Variants in UNC13B observed in about 807,000 individuals in gnomAD.
The protein encoded by UNC13B is protein unc-13 homolog B.
A neutral mutation model predicts 211.0 loss-of-function variants in UNC13B; 144 were observed. The observed-to-expected ratio is 0.68, with a 90% confidence interval of 0.60 to 0.78. UNC13B has a LOEUF of 0.78. Ranked by LOEUF, UNC13B falls within the 30% of genes least tolerant of loss-of-function variation. The pLI, the probability that UNC13B is intolerant of heterozygous loss-of-function variation, is 0.00. For missense variants in UNC13B, 1,777 were observed against 2,002.0 expected (o/e 0.89, Z 2.14); for synonymous variants, 709 against 725.8 (o/e 0.98, Z 0.37).
Position 35,359,624 on chromosome 9 carries a change from G to C in UNC13B, c.9415-7323G>C, listed in dbSNP as rs1163699978. On this transcript the variant is annotated intron_variant, in intron 11 of 39. Transcript: ENST00000635942. ...CATGAGTGGCATCTTTATTCTTGCA[G>C]CTATTCAGGCCCAATCCATAGAGTC... Among the ~76,000 whole-genome samples the C allele has an allele frequency of 1.3e-5, 2 of 152,220 alleles. 1 individual carries two copies. The highest frequency in any genetic ancestry group is 3.9e-4 in the East Asian group (2 of 5,190).
intron 2 of UNC13B, among the ~76,000 whole-genome samples, chr9:35,229,554 G>T (rs1454753394): frequency 6.6e-6 from 1 of 152,068 alleles, no homozygotes; most frequent in Non-Finnish European, 1.5e-5. Context: ...AATCAGGTTT[G>T]TTTCAGCTTT....
chr9:35,297,642 C>G (rs987563664), intron 8 of UNC13B, among the ~76,000 whole-genome samples: 1 of 150,632 alleles, frequency 6.6e-6, no homozygotes, highest in African/African-American at 2.4e-5. Context: ...CTCCGCCTCC[C>G]GGGTTCACGC....
At chr9:35,250,141 G>A (rs1361047273) in intron 6 of UNC13B, among the ~76,000 whole-genome samples, 1 of 151,844 alleles carries the variant, frequency 6.6e-6, no homozygotes, top group Non-Finnish European at 1.5e-5. Context: ...TTCTTCCACT[G>A]TGCTGTTTAT....
chr9:35,392,399 A>C (rs1835588756), intron 26 of UNC13B, among the ~76,000 whole-genome samples: 1 of 152,124 alleles, frequency 6.6e-6, no homozygotes, highest in Non-Finnish European at 1.5e-5. Flanking sequence ...CTGGGATTAG[A>C]GAAGGGAAGT....
rs750898373 is a variant in UNC13B at position 35,305,423 on chromosome 9, A to G, written c.6019A>G (p.Met2007Val). The change falls in exon 9 of 40, where the codon ATG (methionine) becomes GTG (valine). Residue 2007 changes from methionine to valine, a missense_variant. Coordinates refer to ENST00000635942, the MANE Select transcript of UNC13B (RefSeq NM_001371189.2). The part of the protein sequence containing the change: ...QTTENTSVSS[M>V]TIKDEVRSSP... The stretch of plus-strand genomic sequence containing the variant: ...AACTGAAAATACGTCTGTTTCTTCA[A>G]TGACTATTAAGGATGAGGTCAGGTC... 1 of 398,990 alleles carries G rather than the reference A, an allele frequency of 2.5e-6. No individual in the cohort carries two copies. Among genetic ancestry groups the G allele is most frequent in the African/African-American group, 2.1e-5 (1 of 48,748 alleles). 24.7% of individuals were successfully genotyped at this position (398,990 alleles called of 1,614,324 possible).
intron 6 of UNC13B, among the ~76,000 whole-genome samples, chr9:35,248,874 G>T: frequency 6.6e-6 from 1 of 152,144 alleles, no homozygotes; most frequent in East Asian, 1.9e-4. Context: ...TATTAGATCT[G>T]CTTGGTGCAG....
intron 1 of UNC13B, among the ~76,000 whole-genome samples, chr9:35,204,719 C>G (rs533505706): frequency 1.3e-5 from 2 of 152,296 alleles, no homozygotes; most frequent in African/African-American, 4.8e-5. Context: ...TGCCTGTACC[C>G]CCATTATATC....
At chr9:35,192,865 C>T (rs1260906958) in intron 1 of UNC13B, among the ~76,000 whole-genome samples, 2 of 152,118 alleles carry the variant, frequency 1.3e-5, no homozygotes, top group Non-Finnish European at 2.9e-5. Flanking sequence ...AGAGAAGTGA[C>T]AAAAAGGCAT....
chr9:35,315,131 A>G (rs1190997377), intron 11 of UNC13B, among the ~76,000 whole-genome samples: 1 of 147,666 alleles, frequency 6.8e-6, no homozygotes, highest in African/African-American at 2.5e-5. Context: ...GCCTGAAGTG[A>G]TCCTCCCACT....
In UNC13B at chr9:35,303,181, A is replaced by C. The variant is rs368303606; in HGVS notation, c.3777A>C (p.Ile1259=). The C allele has an allele frequency of 6.1e-4, 244 of 398,694 alleles. 2 individuals are homozygous for C. The South Asian group carries it at 0.019, about 32-fold the overall frequency. The allele number at this position is 398,694 out of a possible 1,614,324, so 24.7% of individuals were successfully genotyped here. A position where few individuals can be genotyped will look rare whatever the true frequency, so the allele number is the denominator to read the frequency against. Residue 1259 remains isoleucine (I), a synonymous_variant, in exon 9 of 40, where the codon ATA becomes ATC. Transcript: ENST00000635942. ...IEASLLPKEN[I]PLSDAGDDNH... ...CCTCCTTATTACCTAAAGAAAACAT[A>C]CCATTATCTGATGCTGGGGATGATA...
At chr9:35,325,474 T>C (rs1488037112) in intron 11 of UNC13B, among the ~76,000 whole-genome samples, 1 of 152,238 alleles carries the variant, frequency 6.6e-6, no homozygotes, top group Non-Finnish European at 1.5e-5. Context: ...TACACTGCCG[T>C]TGTACTCTTG....
In UNC13B at chr9:35,403,756, GA is replaced by G. The variant is rs1564204761; in HGVS notation, c.12749del (p.Asn4250MetfsTer14). On this transcript the variant is annotated frameshift_variant, in exon 40 of 40. Transcript: ENST00000635942. LOFTEE classifies it high-confidence loss of function. ...CTATCTTGTGCTCACAGCCTCCTGG[GA>G]AATGAGGAGGGGCCCGAGTCCTATG... ...KYNETFHFLL[G>X]NEEGPESYEL... 6.2e-7 allele frequency: 1 copy of G among 1,614,112 alleles called. No homozygotes were observed. Among genetic ancestry groups the G allele is most frequent in the East Asian group, 2.2e-5 (1 of 44,888 alleles).
At chr9:35,345,679 T>C (rs1832309228) in intron 11 of UNC13B, among the ~76,000 whole-genome samples, 1 of 152,216 alleles carries the variant, frequency 6.6e-6, no homozygotes, top group Non-Finnish European at 1.5e-5. Flanking sequence ...GGTTAGATTC[T>C]GGGTGTGATT....
intron 11 of UNC13B, chr9:35,361,081 A>C: frequency 6.6e-6 from 1 of 152,200 alleles, no homozygotes; most frequent in East Asian, 1.9e-4. Flanking sequence ...AGGCTCAAAT[A>C]AGTTGAACGT....
intron 1 of UNC13B, among the ~76,000 whole-genome samples, chr9:35,191,924 C>A (rs528639468): frequency 1.4e-4 from 21 of 152,174 alleles, no homozygotes; most frequent in African/African-American, 5.1e-4. Context: ...GAAAGATACA[C>A]GAAGCACACC....
chr9:35,179,804 C>CA (rs1169671219), intron 1 of UNC13B, among the ~76,000 whole-genome samples: 3 of 151,586 alleles, frequency 2.0e-5, no homozygotes, highest in Non-Finnish European at 4.4e-5. Context: ...TCAAAAAAGA[C>CA]AAAAAAATAG....
intron 6 of UNC13B, among the ~76,000 whole-genome samples, chr9:35,255,232 G>A (rs995093582): frequency 1.2e-4 from 18 of 149,782 alleles, no homozygotes; most frequent in African/African-American, 3.2e-4. Flanking sequence ...GCCTGTTTAC[G>A]CATATATTTT....
intron 11 of UNC13B, among the ~76,000 whole-genome samples, chr9:35,357,815 A>C (rs1833131126): frequency 6.6e-6 from 1 of 152,218 alleles, no homozygotes; most frequent in Non-Finnish European, 1.5e-5. Context: ...TATGTGGAAC[A>C]TTTTAACCAT....
At chr9:35,384,190 G>A in intron 21 of UNC13B, 56 bp from the exon 22 acceptor site, 1 of 1,609,684 alleles carries the variant, frequency 6.2e-7, no homozygotes, top group Non-Finnish European at 8.5e-7. Flanking sequence ...TTATAGTTTA[G>A]GGGACTCAGA....
Sources: allele counts gnomAD v4.1 joint callset (sites outside exome capture counted in the v4.1 genomes callset), GRCh38; gene constraint gnomAD v4.1.1; transcripts MANE v1.5; gene names NCBI Gene and HGNC (gene_info 2026-07-23, HGNC 2026-07-21).